FAM171A1: variants seen among roughly 807,000 people sequenced by gnomAD.
The protein encoded by FAM171A1 is family with sequence similarity 171 member A1.
FAM171A1 carries 23 observed loss-of-function variants against 74.9 expected under a neutral mutation model. The observed-to-expected ratio is 0.31, with a 90% CI of 0.22 to 0.44. The LOEUF (loss-of-function observed/expected upper bound fraction) is 0.44, where lower values mean the gene tolerates loss of function less well. FAM171A1 is among the 20% of genes least tolerant of loss of function. FAM171A1 has a pLI of 1.00. For synonymous variants in FAM171A1, 527 were observed against 505.7 expected (o/e 1.04, Z -0.57); for missense variants, 1,162 against 1,159.2 (o/e 1.00, Z -0.03).
At position 15,213,157 on chromosome 10, in the gene FAM171A1, T is replaced by C. The variant is rs775593175; in HGVS notation, c.2431A>G (p.Ser811Gly). ...CGTTVCTPED[S>G]ALRCLLEGSS... ...CCCTCCAACAAGCATCGCAGGGCAC[T>C]GTCCTCGGGGGTACAGACCGTGGTC... Residue 811 changes from serine to glycine, a missense_variant, in exon 8 of 8, where the codon AGT (serine) becomes GGT (glycine). Ser to Gly is a moderately conservative substitution (Grantham distance 56). Transcript: ENST00000378116. The surrounding 1 kb of genome is among the most constrained non-coding windows in gnomAD (Gnocchi z 6.8). 24 of 1,614,016 alleles carry C rather than the reference T, an allele frequency of 1.5e-5. No individual in the cohort carries two copies. The highest frequency in any genetic ancestry group is 3.3e-5 in the Admixed American group (2 of 59,994).
chr10:15,282,630 A>T (rs891565226), intron 2 of FAM171A1, among the ~76,000 whole-genome samples: 6 of 152,352 alleles, frequency 3.9e-5, no homozygotes, highest in African/African-American at 1.4e-4. Context: ...AAACAGGCAG[A>T]GACAGCCTAA....
chr10:15,367,793 C>G (rs772340284), intron 1 of FAM171A1, among the ~76,000 whole-genome samples: 4 of 152,194 alleles, frequency 2.6e-5, no homozygotes, highest in Non-Finnish European at 4.4e-5. Context: ...CTGGGTTTGC[C>G]TCAAACACCT....
At chr10:15,308,253 T>C (rs1242378643) in intron 1 of FAM171A1, among the ~76,000 whole-genome samples, 1 of 152,048 alleles carries the variant, frequency 6.6e-6, no homozygotes, top group Admixed American at 6.6e-5. Flanking sequence ...ACAATCAGAG[T>C]ACATAGGATT....
At chr10:15,233,210 G>A (rs1222275576) in intron 5 of FAM171A1, among the ~76,000 whole-genome samples, 4 of 152,086 alleles carry the variant, frequency 2.6e-5, no homozygotes, top group African/African-American at 9.7e-5. Flanking sequence ...CAGGAAAATG[G>A]TGTGAACCCG....
chr10:15,267,215 T>C (rs1834756222), intron 3 of FAM171A1, among the ~76,000 whole-genome samples: 1 of 152,142 alleles, frequency 6.6e-6, no homozygotes, highest in Non-Finnish European at 1.5e-5. Context: ...TGGGCACGCA[T>C]GGGCAGGGGG....
intron 1 of FAM171A1, among the ~76,000 whole-genome samples, chr10:15,328,711 A>G (rs183633282): frequency 7.9e-5 from 12 of 152,042 alleles, no homozygotes; most frequent in South Asian, 2.1e-4. Flanking sequence ...TTTGGGTCCA[A>G]TTGTCTAGCC....
At chr10:15,313,462 A>T (rs901168741) in intron 1 of FAM171A1, among the ~76,000 whole-genome samples, 4 of 152,206 alleles carry the variant, frequency 2.6e-5, no homozygotes, top group African/African-American at 9.7e-5. Flanking sequence ...ATTAACACTT[A>T]ATCTTCCTCC....
At chr10:15,242,619 C>T (rs576654279) in intron 5 of FAM171A1, among the ~76,000 whole-genome samples, 10 of 152,236 alleles carry the variant, frequency 6.6e-5, no homozygotes, top group African/African-American at 9.6e-5. Context: ...CTTGTGTCTA[C>T]GGAAAATAAA....
chr10:15,229,577 C>T (rs374834965), intron 5 of FAM171A1, among the ~76,000 whole-genome samples: 3 of 114,948 alleles, frequency 2.6e-5, no homozygotes, highest in African/African-American at 2.8e-5. Flanking sequence ...CCATCACCAA[C>T]GTCATCATCA....
intron 1 of FAM171A1, among the ~76,000 whole-genome samples, chr10:15,297,950 T>C (rs573387932): frequency 6.6e-6 from 1 of 152,316 alleles, no homozygotes; most frequent in South Asian, 2.1e-4. Context: ...CCAGGATAAT[T>C]TGAAAACTGT....
chr10:15,365,431 T>TAAG (rs1836047974), intron 1 of FAM171A1, among the ~76,000 whole-genome samples: 2 of 152,178 alleles, frequency 1.3e-5, no homozygotes, highest in Non-Finnish European at 2.9e-5. Flanking sequence ...AGGGGCTTAA[T>TAAG]TCCCAGAATT....
At chr10:15,312,757 G>A (rs888963612) in intron 1 of FAM171A1, among the ~76,000 whole-genome samples, 2 of 120,230 alleles carry the variant, frequency 1.7e-5, no homozygotes, top group African/African-American at 6.2e-5. Context: ...GAGTGCAGTG[G>A]TGCAATCTCG....
At chr10:15,349,899 T>A (rs894497395) in intron 1 of FAM171A1, among the ~76,000 whole-genome samples, 1 of 151,872 alleles carries the variant, frequency 6.6e-6, no homozygotes, top group African/African-American at 2.4e-5. Context: ...ACAAATCACA[T>A]GAGATTAGCA....
At chr10:15,362,200 G>T (rs923920148) in intron 1 of FAM171A1, among the ~76,000 whole-genome samples, 2 of 152,142 alleles carry the variant, frequency 1.3e-5, no homozygotes, top group Non-Finnish European at 2.9e-5. Flanking sequence ...TTCTTCCATC[G>T]TTATTATTCA....
At chr10:15,310,058 A>T (rs1835342468) in intron 1 of FAM171A1, among the ~76,000 whole-genome samples, 2 of 152,214 alleles carry the variant, frequency 1.3e-5, no homozygotes, top group Admixed American at 1.3e-4. Context: ...GGGCTTAAGA[A>T]TCCGATGATA....
At chr10:15,356,057 G>C (rs901529448) in intron 1 of FAM171A1, among the ~76,000 whole-genome samples, 1 of 151,940 alleles carries the variant, frequency 6.6e-6, no homozygotes, top group Non-Finnish European at 1.5e-5. Flanking sequence ...TATAAGTTTG[G>C]ATTAAGACAT....
rs553973676 is a variant in FAM171A1, at chr10:15,238,886, T to C, written c.754+9753A>G. On this transcript the variant is annotated intron_variant, in intron 5 of 7. Transcript: ENST00000378116. ...ATATGCTTTTATTTCTATCATCTCA[T>C]TAGAATGAGAGTATCCAAATCATAT... is the stretch of plus-strand genomic sequence containing the variant. Among the ~76,000 whole-genome samples the C allele has an allele frequency of 7.9e-5, 12 of 152,340 alleles. No individual in the cohort carries two copies. In the South Asian group the frequency reaches 2.5e-3, roughly 32 times the overall value.
intron 1 of FAM171A1, among the ~76,000 whole-genome samples, chr10:15,343,006 C>T (rs1454434447): frequency 3.3e-5 from 5 of 152,178 alleles, no homozygotes; most frequent in East Asian, 1.9e-4. Flanking sequence ...CATTTCAAGA[C>T]AGCACAAGAG....
At chr10:15,242,876 G>C (rs552449233) in intron 5 of FAM171A1, among the ~76,000 whole-genome samples, 16 of 152,318 alleles carry the variant, frequency 1.1e-4, no homozygotes, top group African/African-American at 3.6e-4. Flanking sequence ...AGAGGAAACA[G>C]AGAATGGGCT....
Sources: gnomAD v4.1 joint callset for allele counts (sites outside exome capture counted in the v4.1 genomes callset) on GRCh38, gnomAD v4.1.1 for gene constraint, Gnocchi (gnomAD v3.1) non-coding constraint, MANE v1.5 for transcripts, NCBI Gene and HGNC (gene_info 2026-07-23, HGNC 2026-07-21) for gene names.